The following DNAJC16 variants were observed in gnomAD, a reference collection of about 807,000 sequenced individuals.
DNAJC16 encodes the protein DnaJ heat shock protein family (Hsp40) member C16.
In DNAJC16, 76 loss-of-function variants were observed where a neutral mutation model predicts 92.7. The observed-to-expected ratio is 0.82, with a 90% CI of 0.68 to 0.99. The LOEUF (loss-of-function observed/expected upper bound fraction) is 0.99. Among genes scored for constraint, DNAJC16 ranks in the 50% least tolerant of loss-of-function variants. The pLI, the probability that DNAJC16 is intolerant of heterozygous loss-of-function variation, is 0.00. For missense variants in DNAJC16, 869 were observed against 942.4 expected (o/e 0.92, Z 1.02); for synonymous variants, 328 against 358.7 (o/e 0.91, Z 0.97).
At position 15,568,034 on chromosome 1, in the gene DNAJC16, G is replaced by C. The variant is rs571978687; in HGVS notation, c.2206G>C (p.Gly736Arg). ...CSDVDSSLYL[G>R]ESRGKPSCGL... ...TGATGTTGACTCTTCCCTCTACCTG[G>C]GTGAATCTCGAGGGAAACCTTCCTG... Residue 736 changes from glycine to arginine, a missense_variant, in exon 15 of 15, where the codon GGT (glycine) becomes CGT (arginine). Transcript: ENST00000375847. 4 of 1,614,190 alleles carry C rather than the reference G, an allele frequency of 2.5e-6. No individual in the cohort carries two copies. The South Asian group carries it at 4.4e-5, about 18-fold the overall frequency.
At chr1:15,559,155 G>C (rs1570925650) in intron 7 of DNAJC16, among the ~76,000 whole-genome samples, 1 of 152,004 alleles carries the variant, frequency 6.6e-6, no homozygotes, top group South Asian at 2.1e-4. Flanking sequence ...GGCCAGGCTG[G>C]TCTCAAACTC....
chr1:15,566,296 C>A (rs1638805915), intron 13 of DNAJC16, 116 bp downstream of exon 13: 2 of 818,098 alleles, frequency 2.4e-6, no homozygotes, highest in Middle Eastern at 3.3e-4. Context: ...GCACCTCCTC[C>A]CATGTAAACT....
At chr1:15,538,659 G>A (rs1028895104) in intron 4 of DNAJC16, among the ~76,000 whole-genome samples, 4 of 152,174 alleles carry the variant, frequency 2.6e-5, no homozygotes, top group Non-Finnish European at 5.9e-5. Flanking sequence ...GGAGGTTGCT[G>A]TGAGCTGAGA....
chr1:15,554,107 G>A (rs1638513456), intron 7 of DNAJC16, among the ~76,000 whole-genome samples: 1 of 152,102 alleles, frequency 6.6e-6, no homozygotes, highest in South Asian at 2.1e-4. Context: ...GAGGGCTGAG[G>A]CAGGAGAATT....
At chr1:15,548,968 AGAC>A (rs1638379077) in intron 7 of DNAJC16, among the ~76,000 whole-genome samples, 2 of 152,336 alleles carry the variant, frequency 1.3e-5, no homozygotes, top group South Asian at 4.1e-4. Flanking sequence ...AATTCTGAGA[AGAC>A]TAATAACCAT....
rs75754095 is a variant in DNAJC16, at chr1:15,540,628, A to G, written c.575-3771A>G. Among the ~76,000 whole-genome samples, 349 of 152,150 alleles carry G rather than the reference A, an allele frequency of 2.3e-3. 1 individual carries two copies. Among genetic ancestry groups the G allele is most frequent in the African/African-American group, 8.1e-3 (334 of 41,480 alleles). On this transcript the variant is annotated intron_variant, in intron 4 of 14. Transcript: ENST00000375847. ...GAAGATTGGTCTTAAACTCCAGGAG[A>G]TACGAAAGAGATGGTGAAGGCTGGT...
intron 3 of DNAJC16, 91 bp downstream of exon 3, chr1:15,534,394 T>C (rs1185196610): frequency 3.8e-6 from 5 of 1,310,326 alleles, no homozygotes; most frequent in East Asian, 2.3e-5. Context: ...AGAAAGGTCA[T>C]GTTCCCCATG....
At position 15,537,126 on chromosome 1, in the gene DNAJC16, CAGGT is replaced by C. The variant is rs539880581; in HGVS notation, c.574+313_574+316del. Among the ~76,000 whole-genome samples, 381 of 152,338 alleles carry C rather than the reference CAGGT, an allele frequency of 2.5e-3. 4 individuals are homozygous for C. Among genetic ancestry groups the C allele is most frequent in the African/African-American group, 8.8e-3 (365 of 41,574 alleles). On this transcript the variant is annotated intron_variant, in intron 4 of 14. Coordinates refer to ENST00000375847, the MANE Select transcript of DNAJC16 (RefSeq NM_015291.4). ...TCGGCCTCCCACAGTACTGGGATGTCAGGTGGGAGCCACCATGCCTGGCCCCAAA... is the reference window on the plus strand; with the variant it reads ...TCGGCCTCCCACAGTACTGGGATGTCGGGAGCCACCATGCCTGGCCCCAAA...
chr1:15,544,698 A>T lies in DNAJC16; in HGVS notation c.759+115A>T. On this transcript the variant is annotated intron_variant, in intron 5 of 14. Coordinates refer to ENST00000375847, the MANE Select transcript of DNAJC16 (RefSeq NM_015291.4). ...TCAAACCTGAGTTTCATTGTGAGGAAGGCATGACACTTATTAATTAATTAA... is the reference window on the plus strand; with the variant it reads ...TCAAACCTGAGTTTCATTGTGAGGATGGCATGACACTTATTAATTAATTAA... 3.1e-6 allele frequency: 3 copies of T among 968,656 alleles called. No individual in the cohort carries two copies. In the South Asian group the frequency reaches 4.8e-5, roughly 16 times the overall value. The allele number at this position is 968,656 out of a possible 1,614,324, so 60.0% of individuals were successfully genotyped here.
chr1:15,568,164 C>A lies in DNAJC16; in HGVS notation c.2336C>A (p.Pro779His), dbSNP rs142675016. The A allele has an allele frequency of 6.2e-7, 1 of 1,603,648 alleles. No homozygotes were observed. The highest frequency in any genetic ancestry group is 8.5e-7 in the Non-Finnish European group (1 of 1,174,500). ...CAGAGGTTTTATATCCCATCATGGC[C>A]TGAACTAGACTGAGAGGATTTTCCA... The part of the protein sequence containing the change: ...SLQRFYIPSW[P>H]ELD Residue 779 changes from proline (P) to histidine (H), a missense_variant, in exon 15 of 15, where the codon CCT (proline) becomes CAT (histidine). Physicochemically the swap from Pro to His is moderately conservative, Grantham distance 77. Transcript: ENST00000375847.
In DNAJC16 at chr1:15,564,334, T is replaced by C. The variant is rs1638761910; in HGVS notation, c.1573T>C (p.Trp525Arg). ...YSASDYISDC[W>R]DSIFHNNWRE... is the part of the protein sequence containing the mutation. ...TGCTTCTGACTACATCTCAGACTGC[T>C]GGGATAGCATTTTTCACAACAACTG... The change falls in exon 11 of 15, where the codon TGG (tryptophan) becomes CGG (arginine). Residue 525 changes from tryptophan to arginine, a missense_variant. Physicochemically the swap from Trp to Arg is moderately radical, Grantham distance 101 (BLOSUM62 -3). Transcript: ENST00000375847. 6.2e-7 allele frequency: 1 copy of C among 1,610,128 alleles called. No individual in the cohort carries two copies. The highest frequency in any genetic ancestry group is 8.5e-7 in the Non-Finnish European group (1 of 1,176,322).
intron 2 of DNAJC16, among the ~76,000 whole-genome samples, chr1:15,529,616 A>G (rs960457554): frequency 9.2e-5 from 14 of 151,806 alleles, no homozygotes; most frequent in African/African-American, 3.4e-4. Context: ...TACATTATTC[A>G]TAAAGTAACT....
At chr1:15,529,729 C>CA (rs972367640) in intron 2 of DNAJC16, among the ~76,000 whole-genome samples, 56 of 146,464 alleles carry the variant, frequency 3.8e-4, no homozygotes, top group Non-Finnish European at 5.3e-4. Context: ...CTTTTGCCTC[C>CA]AAAAAAAAAA....
At chr1:15,564,466 G>C in intron 11 of DNAJC16, 107 bp downstream of exon 11, 1 of 762,760 alleles carries the variant, frequency 1.3e-6, no homozygotes, top group South Asian at 1.5e-5. Context: ...ACACTTGATG[G>C]GGCAAGTGGA....
intron 4 of DNAJC16, chr1:15,542,126 C>G (rs538718094): frequency 6.6e-6 from 1 of 152,180 alleles, no homozygotes; most frequent in Non-Finnish European, 1.5e-5. Context: ...TAATTGATCA[C>G]GCCTGTATGA....
At chr1:15,532,885 T>C (rs1710691290) in intron 2 of DNAJC16, among the ~76,000 whole-genome samples, 1 of 152,238 alleles carries the variant, frequency 6.6e-6, no homozygotes, top group South Asian at 2.1e-4. Context: ...TCCTTATTTG[T>C]AGAGAAATCA....
chr1:15,567,975 C>A lies in DNAJC16; in HGVS notation c.2147C>A (p.Thr716Lys), dbSNP rs376571392. Residue 716 changes from threonine (T) to lysine (K), a missense_variant, in exon 15 of 15, where the codon ACA becomes AAA. Thr to Lys is a moderately conservative substitution (Grantham distance 78). Coordinates refer to ENST00000375847, the MANE Select transcript of DNAJC16 (RefSeq NM_015291.4). ...TTCTGCCTCTTCAAGCCCCAAAAGA[C>A]AGTCGAAGAGGAGGAAGCCATAGGG... ...KYFCLFKPQK[T>K]VEEEEAIGSC... 3.7e-6 allele frequency: 6 copies of A among 1,614,120 alleles called. No homozygotes were observed. The South Asian group carries it at 6.6e-5, about 18-fold the overall frequency.
chr1:15,566,202 ACTCAC>A (rs1373136306), intron 13 of DNAJC16, 22 bp downstream of exon 13: 1 of 1,594,244 alleles, frequency 6.3e-7, no homozygotes, highest in Non-Finnish European at 8.6e-7. Flanking sequence ...AAAACACCAG[ACTCAC>A]CTCCCCGGCA....
intron 4 of DNAJC16, among the ~76,000 whole-genome samples, chr1:15,539,892 G>GT (rs1710892218): frequency 6.6e-6 from 1 of 152,022 alleles, no homozygotes; most frequent in Non-Finnish European, 1.5e-5. Flanking sequence ...GCCAGGCGTG[G>GT]TGGTGCGTGC....
Sources: gnomAD v4.1 joint callset for allele counts (sites outside exome capture counted in the v4.1 genomes callset) on GRCh38, gnomAD v4.1.1 for gene constraint, MANE v1.5 for transcripts, NCBI Gene and HGNC (gene_info 2026-07-23, HGNC 2026-07-21) for gene names.